DGKH: variants seen among roughly 807,000 people sequenced by gnomAD.
DGKH encodes the protein diacylglycerol kinase eta.
DGKH carries 90 observed loss-of-function variants against 159.3 expected under a neutral mutation model. That is an observed-to-expected ratio of 0.57 (90% CI 0.48 to 0.67). DGKH has a LOEUF of 0.67. DGKH is among the 30% of genes least tolerant of loss of function. The probability of loss-of-function intolerance (pLI) is 0.00; values close to 1 mark genes in which losing one functional copy is unlikely to be tolerated. For missense variants in DGKH, 1,181 were observed against 1,506.1 expected, an observed-to-expected ratio of 0.78 and a Z score of 3.57; for synonymous variants, 536 against 553.8, an observed-to-expected ratio of 0.97 and a Z score of 0.45.
intron 3 of DGKH, among the ~76,000 whole-genome samples, chr13:42,135,489 C>CACAAAAAAAAAAAAAAAAA (rs1223953901): frequency 5.7e-4 from 29 of 50,970 alleles, no homozygotes; most frequent in South Asian, 8.7e-4. Context: ...GACCCTGTCT[C>CACAAAAAAAAAAAAAAAAA]AGAAAAAAAA....
At chr13:42,137,355 G>C (rs1046721196) in intron 3 of DGKH, among the ~76,000 whole-genome samples, 2 of 152,116 alleles carry the variant, frequency 1.3e-5, no homozygotes, top group African/African-American at 4.8e-5. Flanking sequence ...TTTCTGTTCT[G>C]AATGCTTTAT....
At chr13:42,113,250 G>A (rs879520400) in intron 1 of DGKH, among the ~76,000 whole-genome samples, 3 of 152,194 alleles carry the variant, frequency 2.0e-5, no homozygotes, top group Non-Finnish European at 4.4e-5. Context: ...AGGAACAAAA[G>A]TGCTGAATTA....
chr13:42,116,972 A>G (rs987661076), intron 1 of DGKH, among the ~76,000 whole-genome samples: 4 of 152,166 alleles, frequency 2.6e-5, no homozygotes, highest in Non-Finnish European at 5.9e-5. Flanking sequence ...TTTTTAAACT[A>G]GGTTATTGGA....
At chr13:42,179,402 G>T (rs1346846639) in intron 13 of DGKH, among the ~76,000 whole-genome samples, 2 of 152,186 alleles carry the variant, frequency 1.3e-5, no homozygotes, top group African/African-American at 4.8e-5. Context: ...TCTTGTAAAG[G>T]AGAAAATTTA....
intron 1 of DGKH, among the ~76,000 whole-genome samples, chr13:42,057,322 C>T (rs186290675): frequency 3.9e-5 from 6 of 152,136 alleles, no homozygotes; most frequent in African/African-American, 1.2e-4. Flanking sequence ...AGAATGAAAA[C>T]GACAGGAATT....
At position 42,231,769 on chromosome 13, in the gene DGKH, T is replaced by C. The variant is rs1225273239; in HGVS notation, c.*2581T>C. On this transcript the variant is annotated 3_prime_UTR_variant, in exon 30 of 30. Transcript: ENST00000337343. ...GCTTTTCACTCGTAGGTGACATCTT[T>C]TGTATATGCTGTAAAGTCTCAGTTA... 1 of 152,228 alleles carries C rather than the reference T, an allele frequency of 6.6e-6. No homozygotes were observed. The highest frequency in any genetic ancestry group is 1.5e-5 in the Non-Finnish European group (1 of 68,038). The allele number at this position is 152,228 out of a possible 1,614,324, so 9.4% of individuals were successfully genotyped here. A position where few individuals can be genotyped will look rare whatever the true frequency, so the allele number is the denominator to read the frequency against.
chr13:42,212,959 C>T (rs1172142470), intron 24 of DGKH, among the ~76,000 whole-genome samples: 1 of 152,082 alleles, frequency 6.6e-6, no homozygotes, highest in Non-Finnish European at 1.5e-5. Flanking sequence ...GGAAGAGGCC[C>T]AGAGGAGTGT....
intron 29 of DGKH, among the ~76,000 whole-genome samples, chr13:42,223,448 T>C (rs1958037639): frequency 6.6e-6 from 1 of 152,130 alleles, no homozygotes; most frequent in Non-Finnish European, 1.5e-5. Context: ...AAAAATTAAT[T>C]TATTTTTATT....
chr13:42,149,707 T>G (rs1955829505), intron 3 of DGKH, among the ~76,000 whole-genome samples: 1 of 152,330 alleles, frequency 6.6e-6, no homozygotes, highest in South Asian at 2.1e-4. Flanking sequence ...TGGATTGTCT[T>G]TTAGAATAAA....
chr13:42,044,694 T>C (rs867992929), upstream of DGKH, among the ~76,000 whole-genome samples: 75 of 152,296 alleles, frequency 4.9e-4, no homozygotes, highest in Non-Finnish European at 4.4e-4. Flanking sequence ...AAATAAACGA[T>C]CAGCCTTAGC....
In DGKH at chr13:42,070,208, G is replaced by A. The variant is rs918509348; in HGVS notation, c.192+21243G>A. 1.1e-5 allele frequency: 11 copies of A among 1,030,298 alleles called. No individual in the cohort carries two copies. In the African/African-American group the frequency reaches 1.4e-4, roughly 13 times the overall value. The allele number at this position is 1,030,298 out of a possible 1,614,324, so 63.8% of individuals were successfully genotyped here. On this transcript the variant is annotated intron_variant, in intron 1 of 29. Coordinates refer to ENST00000337343, the MANE Select transcript of DGKH (RefSeq NM_178009.5). ...TCCATGGGGCTAAATGTCAAAATTT[G>A]TTCCAGGAAATTCAGTGCTTCGCGA...
intron 1 of DGKH, among the ~76,000 whole-genome samples, chr13:42,114,384 G>A (rs1237682750): frequency 1.3e-5 from 2 of 152,084 alleles, no homozygotes; most frequent in East Asian, 1.9e-4. Flanking sequence ...CTACTTTATC[G>A]GAATGTCAGT....
chr13:42,042,175 AAGCTAG>A (rs1880553950), intron 1 of DGKH, among the ~76,000 whole-genome samples: 2 of 152,240 alleles, frequency 1.3e-5, no homozygotes, highest in East Asian at 3.8e-4. Context: ...ACAGGGGCTT[AAGCTAG>A]TCTCCAAATT....
At chr13:42,170,227 A>G (rs1343843186) in intron 11 of DGKH, among the ~76,000 whole-genome samples, 1 of 152,168 alleles carries the variant, frequency 6.6e-6, no homozygotes, top group African/African-American at 2.4e-5. Context: ...TACCCTGGGT[A>G]TGTGCTTTCC....
chr13:42,085,802 T>C (rs1361464052), intron 1 of DGKH, among the ~76,000 whole-genome samples: 1 of 152,228 alleles, frequency 6.6e-6, no homozygotes, highest in Non-Finnish European at 1.5e-5. Context: ...TTGAAGTCCA[T>C]AGTCTGAGTG....
At chr13:42,207,061 C>CTT (rs71096560) in intron 21 of DGKH, among the ~76,000 whole-genome samples, 2 of 83,074 alleles carry the variant, frequency 2.4e-5, no homozygotes, top group Admixed American at 1.5e-4. Context: ...TTCTTTCCTT[C>CTT]CTTCTTTCTT....
intron 16 of DGKH, 69 bp downstream of exon 16, chr13:42,190,594 G>A: frequency 2.0e-6 from 3 of 1,466,862 alleles, no homozygotes; most frequent in South Asian, 1.3e-5. Flanking sequence ...TTTTCAAAAG[G>A]CTGATCAGTT....
intron 1 of DGKH, among the ~76,000 whole-genome samples, chr13:42,105,040 T>C (rs1954721358): frequency 6.6e-6 from 1 of 152,062 alleles, no homozygotes; most frequent in African/African-American, 2.4e-5. Context: ...TGTATGTATG[T>C]ATGTATGTGT....
Position 42,235,881 on chromosome 13 carries a change from AT to A in DGKH, c.*6696del, listed in dbSNP as rs1242855084. The A allele has an allele frequency of 6.6e-6, 1 of 152,122 alleles. No individual in the cohort carries two copies. The highest frequency in any genetic ancestry group is 1.9e-4 in the East Asian group (1 of 5,202). The allele number at this position is 152,122 out of a possible 1,614,324, so 9.4% of individuals were successfully genotyped here. ...ATCTCACTTTTATGTTAAAATGTCT[AT>A]TTATACAACAGGTTTCTCCTTTTGC... is the stretch of plus-strand genomic sequence containing the variant. On this transcript the variant is annotated 3_prime_UTR_variant, in exon 30 of 30. Transcript: ENST00000337343.
Sources: allele counts gnomAD v4.1 joint callset (sites outside exome capture counted in the v4.1 genomes callset), GRCh38; gene constraint gnomAD v4.1.1; transcripts MANE v1.5; gene names NCBI Gene and HGNC (gene_info 2026-07-23, HGNC 2026-07-21).